Variants in HSDL2 observed in about 807,000 individuals in gnomAD.
The protein encoded by HSDL2 is hydroxysteroid dehydrogenase-like protein 2.
In HSDL2, 27 loss-of-function variants were observed where a neutral mutation model predicts 46.3. The ratio of observed to expected loss-of-function variants is 0.58; its 90% CI spans 0.43 to 0.80. The LOEUF is 0.80. HSDL2 is among the 30% of genes least tolerant of loss of function. The pLI is 0.00. For missense variants in HSDL2, 451 were observed against 502.7 expected (o/e 0.90, Z 0.98); for synonymous variants, 153 against 163.6 (o/e 0.94, Z 0.50).
chr9:112,456,419 T>C (rs1833025091), intron 9 of HSDL2, among the ~76,000 whole-genome samples: 1 of 152,200 alleles, frequency 6.6e-6, no homozygotes, highest in South Asian at 2.1e-4. Flanking sequence ...TTTGATACTG[T>C]TGACCACACT....
intron 1 of HSDL2, among the ~76,000 whole-genome samples, chr9:112,382,851 T>C (rs1250416929): frequency 6.6e-6 from 1 of 152,210 alleles, no homozygotes. Flanking sequence ...ACTTTGATTA[T>C]ACTGTTTATT....
intron 8 of HSDL2, among the ~76,000 whole-genome samples, chr9:112,450,350 C>G (rs1265367859): frequency 6.7e-6 from 1 of 148,988 alleles, no homozygotes; most frequent in African/African-American, 2.5e-5. Flanking sequence ...ATAGAACAGG[C>G]CAGGTGCCGT....
intron 6 of HSDL2, among the ~76,000 whole-genome samples, chr9:112,435,172 A>G (rs1173708374): frequency 1.3e-5 from 2 of 152,028 alleles, no homozygotes; most frequent in Non-Finnish European, 2.9e-5. Flanking sequence ...TATCTTTCCT[A>G]GAAAGATTGT....
intron 8 of HSDL2, among the ~76,000 whole-genome samples, chr9:112,445,613 C>T (rs912221401): frequency 3.3e-5 from 5 of 152,082 alleles, no homozygotes; most frequent in African/African-American, 4.8e-5. Context: ...CAACCTCCAC[C>T]GCCCAGGTTA....
chr9:112,412,160 GT>G (rs1407304714), intron 4 of HSDL2, among the ~76,000 whole-genome samples: 1 of 152,208 alleles, frequency 6.6e-6, no homozygotes, highest in Non-Finnish European at 1.5e-5. Flanking sequence ...GAGTAGTGAT[GT>G]TGAACTGGTT....
chr9:112,435,358 T>A (rs1361952193), intron 6 of HSDL2, among the ~76,000 whole-genome samples: 2 of 152,158 alleles, frequency 1.3e-5, no homozygotes, highest in East Asian at 1.9e-4. Context: ...CATGTATGCA[T>A]ATAGTCTCAA....
Position 112,385,953 on chromosome 9 carries a change from T to TA in HSDL2, c.17+5776dup, listed in dbSNP as rs1564100064. Among the ~76,000 whole-genome samples, 3 of 151,742 alleles carry TA rather than the reference T, an allele frequency of 2.0e-5. No individual in the cohort carries two copies. The East Asian group carries it at 5.8e-4, about 29-fold the overall frequency. ...TTTTTTTAATTTAATTTTTTTTTTT[T>TA]AAATAGTAACATGGTCTTGCTATGT... On this transcript the variant is annotated intron_variant, in intron 1 of 10. Coordinates refer to ENST00000398805, the MANE Select transcript of HSDL2 (RefSeq NM_032303.5).
At chr9:112,458,387 G>A (rs551582991) in intron 9 of HSDL2, among the ~76,000 whole-genome samples, 17 of 149,324 alleles carry the variant, frequency 1.1e-4, no homozygotes, top group South Asian at 8.5e-4. Context: ...GTGCAATGGC[G>A]CGATCTTGGC....
intron 1 of HSDL2, among the ~76,000 whole-genome samples, chr9:112,397,599 TG>T (rs34292976): frequency 1.3e-5 from 2 of 152,088 alleles, no homozygotes; most frequent in African/African-American, 4.8e-5. Flanking sequence ...AAAGCCTAAT[TG>T]GGAGGTAGTG....
intron 8 of HSDL2, among the ~76,000 whole-genome samples, chr9:112,451,572 C>T (rs1319668081): frequency 6.6e-6 from 1 of 152,204 alleles, no homozygotes; most frequent in African/African-American, 2.4e-5. Flanking sequence ...AGCTCTTGCT[C>T]TTTTTAAAGT....
intron 9 of HSDL2, 116 bp from the exon 10 acceptor site, chr9:112,459,333 T>C: frequency 8.9e-7 from 1 of 1,118,120 alleles, no homozygotes; most frequent in Non-Finnish European, 1.3e-6. Flanking sequence ...GATGGAGGTC[T>C]GGGGATTTTA....
chr9:112,459,403 G>A (rs752292116), intron 9 of HSDL2, 46 bp from the exon 10 acceptor site: 46 of 1,592,080 alleles, frequency 2.9e-5, no homozygotes, highest in Non-Finnish European at 3.9e-5. Context: ...AATTTAAGAA[G>A]AACAGGGCTT....
At chr9:112,464,254 ACAC>A (rs1341889699) in intron 10 of HSDL2, among the ~76,000 whole-genome samples, 2 of 138,210 alleles carry the variant, frequency 1.4e-5, no homozygotes, top group Non-Finnish European at 3.2e-5. Context: ...ACACACACAC[ACAC>A]AAGTAAAATT....
intron 7 of HSDL2, among the ~76,000 whole-genome samples, chr9:112,440,666 A>G (rs1832620431): frequency 6.6e-6 from 1 of 152,152 alleles, no homozygotes; most frequent in Non-Finnish European, 1.5e-5. Flanking sequence ...TGAGCCAAGG[A>G]GTTCAAGACC....
At position 112,436,112 on chromosome 9, in the gene HSDL2, CA is replaced by C. The variant is rs1189252341; in HGVS notation, c.599-2309del. 4.1e-4 allele frequency among the ~76,000 whole-genome samples: 58 copies of C among 142,820 alleles called. 1 individual carries two copies. In the East Asian group the frequency reaches 4.8e-3, roughly 12 times the overall value. 93.7% of individuals were successfully genotyped at this position (142,820 alleles called of 152,430 possible). On this transcript the variant is annotated intron_variant, in intron 6 of 10. Coordinates refer to ENST00000398805, the MANE Select transcript of HSDL2 (RefSeq NM_032303.5). ...AAACATAGCAGGACCCCATTTCTACCAAAAAAAAAAGCTGGATATGGTGGGA... is the reference window on the plus strand; with the variant it reads ...AAACATAGCAGGACCCCATTTCTACCAAAAAAAAAGCTGGATATGGTGGGA...
intron 1 of HSDL2, among the ~76,000 whole-genome samples, chr9:112,399,078 T>C (rs1157081641): frequency 1.4e-5 from 2 of 145,950 alleles, no homozygotes; most frequent in Admixed American, 1.4e-4. Flanking sequence ...AAAAGCCACT[T>C]GGCATGCCAG....
intron 10 of HSDL2, among the ~76,000 whole-genome samples, chr9:112,464,806 G>A (rs893611907): frequency 1.3e-5 from 2 of 152,044 alleles, no homozygotes; most frequent in Non-Finnish European, 2.9e-5. Flanking sequence ...ACCCATTAGC[G>A]GTCAACCTCA....
chr9:112,410,990 C>T (rs1425119540), intron 4 of HSDL2, among the ~76,000 whole-genome samples: 2 of 152,164 alleles, frequency 1.3e-5, no homozygotes, highest in African/African-American at 2.4e-5. Flanking sequence ...GTCCAGATTT[C>T]TAGCTTTTCT....
At chr9:112,396,067 G>A (rs1421055685) in intron 1 of HSDL2, among the ~76,000 whole-genome samples, 2 of 152,172 alleles carry the variant, frequency 1.3e-5, no homozygotes, top group African/African-American at 4.8e-5. Context: ...CCGAGTCCTG[G>A]AACAAACCCC....
Sources: allele counts gnomAD v4.1 joint callset (sites outside exome capture counted in the v4.1 genomes callset), GRCh38; gene constraint gnomAD v4.1.1; transcripts MANE v1.5; gene names NCBI Gene and HGNC (gene_info 2026-07-23, HGNC 2026-07-21).